Variants in PIK3C2G observed in about 807,000 individuals in gnomAD.
PIK3C2G encodes the protein phosphatidylinositol 3-kinase C2 domain-containing subunit gamma.
A neutral mutation model predicts 181.1 loss-of-function variants in PIK3C2G; 168 were observed. The ratio of observed to expected loss-of-function variants is 0.93; its 90% confidence interval spans 0.82 to 1.05. The LOEUF is 1.05. PIK3C2G is among the 50% of genes least tolerant of loss of function. The probability of loss-of-function intolerance (pLI) is 0.00; values close to 1 mark genes in which losing one functional copy is unlikely to be tolerated. For missense variants in PIK3C2G, 1,869 were observed against 1,732.8 expected, an observed-to-expected ratio of 1.08 and a Z score of -1.40; for synonymous variants, 573 against 592.2, an observed-to-expected ratio of 0.97 and a Z score of 0.47.
chr12:18,469,764 G>A (rs1285653819), intron 18 of PIK3C2G, among the ~76,000 whole-genome samples: 1 of 127,384 alleles, frequency 7.9e-6, no homozygotes, highest in Admixed American at 8.0e-5. Context: ...TAATTCACCT[G>A]TGAAGTCTCT....
chr12:18,497,497 A>T, intron 21 of PIK3C2G, 122 bp from the exon 22 acceptor site: 1 of 653,186 alleles, frequency 1.5e-6, no homozygotes, highest in Non-Finnish European at 2.3e-6. Flanking sequence ...CAAAACCATT[A>T]AAACCACTCT....
chr12:18,305,441 A>G (rs2137331597), intron 5 of PIK3C2G, among the ~76,000 whole-genome samples: 1 of 152,274 alleles, frequency 6.6e-6, no homozygotes, highest in African/African-American at 2.4e-5. Flanking sequence ...GGCAAATTAC[A>G]TGTGAAAGTA....
At chr12:18,726,668 G>A in the PIK3C2G span, among the ~76,000 whole-genome samples, 2 of 152,106 alleles carry the variant, frequency 1.3e-5, no homozygotes, top group African/African-American at 4.8e-5. Context: ...TGCTCAGTTT[G>A]CTAGTAAAAA....
chr12:18,262,141 C>T (rs1342858448), intron 1 of PIK3C2G, among the ~76,000 whole-genome samples: 3 of 152,016 alleles, frequency 2.0e-5, no homozygotes, highest in Non-Finnish European at 4.4e-5. Context: ...TGCTGCGGTC[C>T]GTCTCTGCTG....
At chr12:18,408,129 G>C (rs551383218) in intron 16 of PIK3C2G, among the ~76,000 whole-genome samples, 1 of 152,128 alleles carries the variant, frequency 6.6e-6, no homozygotes, top group Non-Finnish European at 1.5e-5. Flanking sequence ...CTTCCATTAA[G>C]TCTTTGCCCA....
At chr12:18,491,426 T>A in intron 19 of PIK3C2G, 25 bp from the exon 20 acceptor site, 1 of 1,191,602 alleles carries the variant, frequency 8.4e-7, no homozygotes, top group Non-Finnish European at 1.2e-6. Flanking sequence ...TTTTCTTAAA[T>A]CCTTTTTCTA....
At chr12:18,301,653 G>A (rs1020941784) in intron 5 of PIK3C2G, among the ~76,000 whole-genome samples, 2 of 151,088 alleles carry the variant, frequency 1.3e-5, no homozygotes, top group Non-Finnish European at 3.0e-5. Context: ...GTGTTCTCTT[G>A]TATCTCACTG....
intron 5 of PIK3C2G, among the ~76,000 whole-genome samples, chr12:18,297,073 G>A (rs1949971228): frequency 6.6e-6 from 1 of 151,946 alleles, no homozygotes; most frequent in African/African-American, 2.4e-5. Context: ...TCAAGGACAG[G>A]AATTATATCT....
chr12:18,647,681 C>T (rs1236006483), intron 32 of PIK3C2G, among the ~76,000 whole-genome samples, 195 bp from the exon 33 acceptor site: 10 of 151,898 alleles, frequency 6.6e-5, no homozygotes, highest in African/African-American at 2.4e-4. Context: ...AATAGCCTGT[C>T]ATTAAACTCT....
chr12:18,357,705 T>C (rs941627445), intron 11 of PIK3C2G, among the ~76,000 whole-genome samples: 15 of 152,208 alleles, frequency 9.9e-5, no homozygotes, highest in African/African-American at 3.6e-4. Flanking sequence ...AGTACAGTAA[T>C]GTTAACTACA....
intron 1 of PIK3C2G, among the ~76,000 whole-genome samples, chr12:18,263,440 A>C (rs551604366): frequency 6.6e-5 from 10 of 152,202 alleles, no homozygotes; most frequent in African/African-American, 1.9e-4. Flanking sequence ...CATTGAATTA[A>C]GCTTGTTAAT....
At chr12:18,558,246 A>C (rs905423686) in intron 26 of PIK3C2G, among the ~76,000 whole-genome samples, 1 of 152,120 alleles carries the variant, frequency 6.6e-6, no homozygotes, top group Non-Finnish European at 1.5e-5. Flanking sequence ...AACAGTAAAG[A>C]AAAAAATGTC....
At chr12:18,457,478 G>A (rs1163326634) in intron 18 of PIK3C2G, among the ~76,000 whole-genome samples, 5 of 152,076 alleles carry the variant, frequency 3.3e-5, no homozygotes, top group African/African-American at 4.8e-5. Context: ...CCTCAGTTCC[G>A]TGTGAGCCCT....
chr12:18,383,154 ATTCTAC>A (rs1208998502), intron 14 of PIK3C2G, among the ~76,000 whole-genome samples: 1 of 152,230 alleles, frequency 6.6e-6, no homozygotes, highest in African/African-American at 2.4e-5. Flanking sequence ...CGGTAAACAT[ATTCTAC>A]TAATGAAGAA....
At chr12:18,578,201 A>G (rs1946327187) in intron 29 of PIK3C2G, among the ~76,000 whole-genome samples, 1 of 152,202 alleles carries the variant, frequency 6.6e-6, no homozygotes, top group Non-Finnish European at 1.5e-5. Flanking sequence ...AAGCTGAATC[A>G]GACACAATGC....
intron 8 of PIK3C2G, among the ~76,000 whole-genome samples, chr12:18,333,923 G>T (rs972643201): frequency 6.6e-6 from 1 of 152,064 alleles, no homozygotes; most frequent in African/African-American, 2.4e-5. Flanking sequence ...CACTTATGCC[G>T]TTTTGTTTGG....
At chr12:18,346,956 G>C (rs1294373180) in intron 11 of PIK3C2G, 120 bp downstream of exon 11, 2 of 524,814 alleles carry the variant, frequency 3.8e-6, no homozygotes, top group African/African-American at 3.9e-5. Context: ...GAATTAATCA[G>C]CATAGTTTTA....
rs201479764 is a variant in PIK3C2G at position 18,620,568 on chromosome 12, A to AGATAGATAGATG, written c.4182+10940_4182+10941insATAGATAGATGG. On this transcript the variant is annotated intron_variant, in intron 31 of 32. Coordinates refer to ENST00000538779, the MANE Select transcript of PIK3C2G (RefSeq NM_001288772.2). ...TAGATAGATAGATAGATAGATAGAT[A>AGATAGATAGATG]GGTAACCATACTGTAGGGTGCAGCT... Among the ~76,000 whole-genome samples the AGATAGATAGATG allele has an allele frequency of 4.2e-3, 638 of 151,436 alleles. 6 individuals carry two copies. Among genetic ancestry groups the AGATAGATAGATG allele is most frequent in the African/African-American group, 0.015 (604 of 40,900 alleles).
chr12:18,249,831 A>G (rs1948078168), intron 1 of PIK3C2G, among the ~76,000 whole-genome samples: 1 of 152,102 alleles, frequency 6.6e-6, no homozygotes, highest in Admixed American at 6.5e-5. Flanking sequence ...TCACAAAGCT[A>G]AAATTTCAGA....
Sources: gnomAD v4.1 joint callset for allele counts (sites outside exome capture counted in the v4.1 genomes callset) on GRCh38, gnomAD v4.1.1 for gene constraint, MANE v1.5 for transcripts, NCBI Gene and HGNC (gene_info 2026-07-23, HGNC 2026-07-21) for gene names.